The following DENND4C variants were observed in gnomAD, a reference collection of about 807,000 sequenced individuals.
The protein encoded by DENND4C is DENN domain containing 4C.
DENND4C carries 108 observed loss-of-function variants against 203.0 expected under a neutral mutation model. The ratio of observed to expected loss-of-function variants is 0.53; its 90% CI spans 0.46 to 0.62. DENND4C has a LOEUF of 0.62. DENND4C is among the 20% of genes least tolerant of loss of function. The pLI is 0.00. For missense variants in DENND4C, 2,481 were observed against 2,301.2 expected (o/e 1.08, Z -1.60); for synonymous variants, 871 against 792.4 (o/e 1.10, Z -1.67).
rs147925167 is a variant in DENND4C, at chr9:19,372,135, G to A, written c.5839G>A (p.Glu1947Lys). 10 of 1,613,902 alleles carry A rather than the reference G, an allele frequency of 6.2e-6. No individual in the cohort carries two copies. The Admixed American group carries it at 6.7e-5, about 11-fold the overall frequency. Residue 1947 changes from glutamate (E) to lysine (K), a missense_variant, in exon 33 of 33, where the codon GAG becomes AAG. Physicochemically the swap from Glu to Lys is moderately conservative, Grantham distance 56. This residue lies in a region of DENND4C where 2,289 missense variants were observed against 2,113.3 expected (regional missense o/e 1.08). Coordinates refer to ENST00000434457, the MANE Select transcript of DENND4C (RefSeq NM_001330640.2). The stretch of plus-strand genomic sequence containing the variant: ...TGATGCTCCACCAAGTGCCAGTGTC[G>A]AGTGGTGCAGGAAGTGTTTTGGAGC... ...KIDAPPSASV[E>K]WCRKCFGAPL...
intron 12 of DENND4C, among the ~76,000 whole-genome samples, chr9:19,318,800 T>G (rs1842261805): frequency 6.6e-6 from 1 of 152,222 alleles, no homozygotes; most frequent in Non-Finnish European, 1.5e-5. Flanking sequence ...AATCCTCATT[T>G]TAGCATAATT....
intron 2 of DENND4C, among the ~76,000 whole-genome samples, chr9:19,284,215 T>C (rs184751849): frequency 1.1e-4 from 17 of 152,332 alleles, no homozygotes; most frequent in African/African-American, 4.1e-4. Flanking sequence ...GTAGATACTC[T>C]ATACCCTATT....
At position 19,341,085 on chromosome 9, in the gene DENND4C, T is replaced by G; in HGVS notation, c.2975T>G (p.Leu992Trp). The G allele has an allele frequency of 1.2e-6, 2 of 1,612,114 alleles. No individual in the cohort carries two copies. Among genetic ancestry groups the G allele is most frequent in the Non-Finnish European group, 1.7e-6 (2 of 1,179,256 alleles). ...HVPEEQAARE[L>W]ITKTKMQTEE... ...CCTGAAGAACAGGCAGCAAGAGAAT[T>G]GATAACTAAAACAAAAATGCAAACA... Residue 992 changes from leucine (L) to tryptophan (W), a missense_variant, in exon 21 of 33, where the codon TTG becomes TGG. This residue lies in a region of DENND4C where 2,289 missense variants were observed against 2,113.3 expected (regional missense o/e 1.08). Transcript: ENST00000434457.
chr9:19,241,830 C>A (rs1366158457), intron 1 of DENND4C, among the ~76,000 whole-genome samples: 3 of 151,446 alleles, frequency 2.0e-5, no homozygotes, highest in Non-Finnish European at 2.9e-5. Flanking sequence ...CCAGCCTGGG[C>A]AACACAGTAA....
At chr9:19,334,943 C>T (rs1439141642) in intron 17 of DENND4C, 34 bp from the exon 18 acceptor site, 8 of 1,560,976 alleles carry the variant, frequency 5.1e-6, no homozygotes, top group Non-Finnish European at 6.9e-6. Flanking sequence ...GATTAGTATA[C>T]TAATTACTGA....
chr9:19,282,397 A>G (rs1037530753), intron 2 of DENND4C, among the ~76,000 whole-genome samples: 68 of 151,452 alleles, frequency 4.5e-4, no homozygotes, highest in African/African-American at 1.4e-3. Context: ...TAGCTGAACT[A>G]CAAGTGTATG....
chr9:19,330,274 A>T (rs1818767185), intron 16 of DENND4C, among the ~76,000 whole-genome samples: 1 of 151,600 alleles, frequency 6.6e-6, no homozygotes, highest in Non-Finnish European at 1.5e-5. Flanking sequence ...TGTATTTTTA[A>T]ATATGTACTG....
chr9:19,341,237 T>C, intron 21 of DENND4C, 123 bp downstream of exon 21: 1 of 720,426 alleles, frequency 1.4e-6, no homozygotes, highest in South Asian at 2.6e-5. Context: ...GCTCCTAAGA[T>C]GCTGTGTACT....
chr9:19,280,230 A>G lies in DENND4C; in HGVS notation c.305+3751A>G, dbSNP rs181912109. Among the ~76,000 whole-genome samples, 695 of 151,532 alleles carry G rather than the reference A, an allele frequency of 4.6e-3. 2 individuals are homozygous for G. The highest frequency in any genetic ancestry group is 0.015 in the African/African-American group (607 of 41,250). ...AGTGGTGCGATCTCGGCTCACTGCAACCTCCACCTCGGGTTCAAGCAATTC... is the reference window on the plus strand; with the variant it reads ...AGTGGTGCGATCTCGGCTCACTGCAGCCTCCACCTCGGGTTCAAGCAATTC... On this transcript the variant is annotated intron_variant, in intron 2 of 32. Coordinates refer to ENST00000434457, the MANE Select transcript of DENND4C (RefSeq NM_001330640.2).
chr9:19,307,408 A>AG (rs1839899854), intron 10 of DENND4C, among the ~76,000 whole-genome samples: 1 of 151,344 alleles, frequency 6.6e-6, no homozygotes, highest in Non-Finnish European at 1.5e-5. Context: ...AAAAAAAAAA[A>AG]AAAAAGAAGA....
chr9:19,368,371 C>T (rs1483602440), intron 30 of DENND4C, among the ~76,000 whole-genome samples: 1 of 151,660 alleles, frequency 6.6e-6, no homozygotes, highest in Non-Finnish European at 1.5e-5. Flanking sequence ...AAAGACAATC[C>T]GCCTGCCTCA....
intron 2 of DENND4C, among the ~76,000 whole-genome samples, chr9:19,282,356 G>A (rs1339254686): frequency 1.3e-5 from 2 of 151,658 alleles, no homozygotes; most frequent in African/African-American, 2.4e-5. Context: ...CCTGGGCTCA[G>A]GCGATAATCC....
chr9:19,232,071 A>G (rs1057035279), intron 1 of DENND4C, among the ~76,000 whole-genome samples: 8 of 152,194 alleles, frequency 5.3e-5, no homozygotes, highest in African/African-American at 1.9e-4. Flanking sequence ...TTCATCTTTG[A>G]ACATTAAAGG....
At chr9:19,287,842 C>G (rs976964822) in intron 3 of DENND4C, among the ~76,000 whole-genome samples, 10 of 152,294 alleles carry the variant, frequency 6.6e-5, no homozygotes, top group Admixed American at 2.6e-4. Context: ...AAGCGATTCT[C>G]CTGTCTCAGC....
intron 27 of DENND4C, 80 bp downstream of exon 27, chr9:19,357,234 G>T: frequency 1.5e-6 from 2 of 1,374,686 alleles, no homozygotes; most frequent in Non-Finnish European, 1.0e-6. Context: ...AAGACAACCT[G>T]ACTCATATAG....
intron 2 of DENND4C, among the ~76,000 whole-genome samples, chr9:19,282,154 A>T (rs1004312573): frequency 6.3e-5 from 7 of 111,330 alleles, no homozygotes; most frequent in Non-Finnish European, 1.5e-4. Context: ...TACTTAGTTT[A>T]AAACACTTAC....
chr9:19,314,740 A>C (rs746295578), intron 10 of DENND4C, among the ~76,000 whole-genome samples: 1 of 152,224 alleles, frequency 6.6e-6, no homozygotes, highest in Non-Finnish European at 1.5e-5. Flanking sequence ...ATAAAGGTAC[A>C]ACCAGTGTTC....
chr9:19,341,021 A>G lies in DENND4C; in HGVS notation c.2911A>G (p.Lys971Glu). 6.2e-7 allele frequency: 1 copy of G among 1,612,908 alleles called. No individual in the cohort carries two copies. Among genetic ancestry groups the G allele is most frequent in the Non-Finnish European group, 8.5e-7 (1 of 1,179,430 alleles). Residue 971 changes from lysine (K) to glutamate (E), a missense_variant, in exon 21 of 33, where the codon AAG (lysine) becomes GAG (glutamate). This residue lies in a region of DENND4C where 2,289 missense variants were observed against 2,113.3 expected (regional missense o/e 1.08). Transcript: ENST00000434457. ...TCAGTCTGACCAAGGATACGGGTCT[A>G]AGGATGAACTTATAAAGGATGATGC... The part of the protein sequence containing the change: ...GGQSDQGYGS[K>E]DELIKDDAEI...
chr9:19,299,530 T>G (rs2131302606), intron 8 of DENND4C, among the ~76,000 whole-genome samples: 1 of 152,248 alleles, frequency 6.6e-6, no homozygotes, highest in Middle Eastern at 3.4e-3. Flanking sequence ...GATACTTCCC[T>G]TTTCTTCTCA....
Sources: allele counts gnomAD v4.1 joint callset (sites outside exome capture counted in the v4.1 genomes callset), GRCh38; gene constraint gnomAD v4.1.1; regional missense constraint gnomAD v4.1.1; transcripts MANE v1.5; gene names NCBI Gene and HGNC (gene_info 2026-07-23, HGNC 2026-07-21).